Variants in MKRN2OS observed in about 807,000 individuals in gnomAD.
The protein encoded by MKRN2OS is MKRN2 opposite strand protein.
MKRN2OS carries 17 observed loss-of-function variants against 18.2 expected under a neutral mutation model. The ratio of observed to expected loss-of-function variants is 0.93; its 90% CI spans 0.64 to 1.40. MKRN2OS has a LOEUF of 1.40. Ranked by LOEUF, MKRN2OS falls within the 40% of genes most tolerant of loss-of-function variation. The pLI is 0.00. For synonymous variants in MKRN2OS, 121 were observed against 108.5 expected, an observed-to-expected ratio of 1.12 and a Z score of -0.72; for missense variants, 337 against 283.0, an observed-to-expected ratio of 1.19 and a Z score of -1.37.
chr3:12,540,055 G>C lies in MKRN2OS; in HGVS notation c.*138C>G. 1 of 1,283,192 alleles carries C rather than the reference G, an allele frequency of 7.8e-7. No homozygotes were observed. Among genetic ancestry groups the C allele is most frequent in the South Asian group, 1.4e-5 (1 of 69,774 alleles). The allele number at this position is 1,283,192 out of a possible 1,614,324, so 79.5% of individuals were successfully genotyped here. A position where few individuals can be genotyped will look rare whatever the true frequency, so the allele number is the denominator to read the frequency against. On this transcript the variant is annotated 3_prime_UTR_variant, in exon 4 of 4. Coordinates refer to ENST00000564146, the MANE Select transcript of MKRN2OS (RefSeq NM_001195279.2). ...CTGTCTTAGCTTCCCAAAGTGCTGG[G>C]ATTACAGGTGTGAGCCACCATGCCC...
rs1234996804 is a variant in MKRN2OS, at chr3:12,540,298, T to C, written c.567A>G (p.Ala189=). ...EKYVVPRTRL[A]SKFITLYRAI... ...CCCGGTAGAGTGTGATGAACTTGGA[T>C]GCCAGCCTTGTCCGCGGGACCACGT... Residue 189 remains alanine (A), a synonymous_variant, in exon 4 of 4, where the codon GCA becomes GCG. Coordinates refer to ENST00000564146, the MANE Select transcript of MKRN2OS (RefSeq NM_001195279.2). 4 of 1,536,112 alleles carry C rather than the reference T, an allele frequency of 2.6e-6. No individual in the cohort carries two copies. The highest frequency in any genetic ancestry group is 2.6e-6 in the Non-Finnish European group (3 of 1,146,906).
chr3:12,556,622 G>GA (rs1400421566), intron 1 of MKRN2OS, among the ~76,000 whole-genome samples: 5 of 152,160 alleles, frequency 3.3e-5, no homozygotes. Context: ...GAGCAGTTGG[G>GA]AGAGAGCTAA....
At position 12,540,373 on chromosome 3, in the gene MKRN2OS, C is replaced by T. The variant is rs775432252; in HGVS notation, c.492G>A (p.Leu164=). ...CCAGTTGCTGTCTACCTTCTGCCAT[C>T]AGAACGCAGTTAATGAACGTGAGTG... ...SYALTFINCV[L]MAEGRQQLDK... is the part of the protein sequence containing the mutation. The change falls in exon 4 of 4, where the codon CTG becomes CTA. Residue 164 remains leucine (L), a synonymous_variant. Coordinates refer to ENST00000564146, the MANE Select transcript of MKRN2OS (RefSeq NM_001195279.2). 7 of 1,536,122 alleles carry T rather than the reference C, an allele frequency of 4.6e-6. No homozygotes were observed. The highest frequency in any genetic ancestry group is 6.1e-6 in the Non-Finnish European group (7 of 1,146,916).
downstream of MKRN2OS, among the ~76,000 whole-genome samples, chr3:12,551,426 C>A (rs928205497): frequency 6.6e-6 from 1 of 150,786 alleles, no homozygotes; most frequent in East Asian, 1.9e-4. Context: ...ACCTGGGAGG[C>A]GAAGGCTGTG....
upstream of MKRN2OS, among the ~76,000 whole-genome samples, chr3:12,547,168 A>G (rs2057892404): frequency 6.6e-6 from 1 of 152,148 alleles, no homozygotes; most frequent in African/African-American, 2.4e-5. Flanking sequence ...AAAAAAAGTA[A>G]TGCCCCTTGT....
intron 1 of MKRN2OS, 64 bp from the exon 2 acceptor site, chr3:12,543,293 A>G (rs2057841288): frequency 7.3e-7 from 1 of 1,375,026 alleles, no homozygotes; most frequent in Non-Finnish European, 1.0e-6. Flanking sequence ...ATTGGCATTT[A>G]AAGTAGGAGG....
intron 1 of MKRN2OS, among the ~76,000 whole-genome samples, chr3:12,544,239 C>A (rs2057854917): frequency 6.6e-6 from 1 of 152,146 alleles, no homozygotes; most frequent in Non-Finnish European, 1.5e-5. Context: ...AGGGTAAACT[C>A]TAGGGAGCAT....
At chr3:12,556,381 TA>T (rs11359894) in intron 1 of MKRN2OS, among the ~76,000 whole-genome samples, 87,535 of 150,992 alleles carry the variant, frequency 0.58, 27,726 homozygotes, top group African/African-American at 0.83. Context: ...TAATAATAAT[TA>T]AAAAAAAAGG....
intron 1 of MKRN2OS, among the ~76,000 whole-genome samples, chr3:12,544,738 T>A (rs970854127): frequency 4.6e-5 from 7 of 152,146 alleles, no homozygotes; most frequent in Admixed American, 1.3e-4. Flanking sequence ...TTTTTGTTTA[T>A]GCTAGCGCTC....
intron 3 of MKRN2OS, 127 bp from the exon 4 acceptor site, chr3:12,540,560 T>C (rs2057783723): frequency 5.3e-6 from 6 of 1,130,692 alleles, no homozygotes; most frequent in Admixed American, 2.1e-5. Context: ...TGCTGGCTTA[T>C]GTGGTTAAGA....
downstream of MKRN2OS, among the ~76,000 whole-genome samples, chr3:12,553,037 AAT>A (rs1553607132): frequency 4.0e-5 from 6 of 149,328 alleles, no homozygotes; most frequent in Admixed American, 4.0e-4. Flanking sequence ...AAAAAAAAAA[AAT>A]CTTCCTGCAC....
At chr3:12,541,809 C>T (rs2057818008) in intron 3 of MKRN2OS, 51 bp downstream of exon 3, 1 of 1,512,700 alleles carries the variant, frequency 6.6e-7, no homozygotes, top group African/African-American at 1.4e-5. Context: ...GGGGATCCCA[C>T]TTGCATAGCA....
upstream of MKRN2OS, among the ~76,000 whole-genome samples, chr3:12,546,620 C>T (rs1419311311): frequency 8.7e-4 from 102 of 116,938 alleles, no homozygotes; most frequent in Non-Finnish European, 1.3e-3. Context: ...TCACTCTTGT[C>T]GCCAGGCTGG....
At chr3:12,543,892 CAAA>C (rs10539183) in intron 1 of MKRN2OS, among the ~76,000 whole-genome samples, 3,870 of 127,120 alleles carry the variant, frequency 0.03, 167 homozygotes, top group African/African-American at 0.095. Context: ...ACCCTGGTCT[CAAA>C]AAAAAAAAAA....
chr3:12,548,579 CT>C (rs1249203758), upstream of MKRN2OS, among the ~76,000 whole-genome samples: 1 of 151,120 alleles, frequency 6.6e-6, no homozygotes, highest in Non-Finnish European at 1.5e-5. Flanking sequence ...TTGCAGTGAG[CT>C]GTGACTGCAC....
At chr3:12,542,714 A>T (rs2057831351) in intron 2 of MKRN2OS, among the ~76,000 whole-genome samples, 1 of 86,768 alleles carries the variant, frequency 1.2e-5, no homozygotes, top group Admixed American at 1.3e-4. Context: ...CTTTCCTTAA[A>T]AAAAAAAAAA....
At chr3:12,554,610 T>TACA (rs1324435200) in intron 1 of MKRN2OS, among the ~76,000 whole-genome samples, 1 of 151,970 alleles carries the variant, frequency 6.6e-6, no homozygotes, top group Non-Finnish European at 1.5e-5. Flanking sequence ...GCACCAGCAG[T>TACA]ACAAGGCTGA....
At chr3:12,548,649 A>G (rs1380758059), upstream of MKRN2OS, among the ~76,000 whole-genome samples, 1 of 152,000 alleles carries the variant, frequency 6.6e-6, no homozygotes, top group Non-Finnish European at 1.5e-5. Flanking sequence ...TACATAAATA[A>G]ACCACATGGT....
upstream of MKRN2OS, among the ~76,000 whole-genome samples, chr3:12,546,511 A>C (rs2125292245): frequency 6.6e-6 from 1 of 151,330 alleles, no homozygotes; most frequent in South Asian, 2.1e-4. Flanking sequence ...ATTTTAAAAT[A>C]ATTTTTTAAT....
Sources: allele counts gnomAD v4.1 joint callset (sites outside exome capture counted in the v4.1 genomes callset), GRCh38; gene constraint gnomAD v4.1.1; transcripts MANE v1.5; gene names NCBI Gene and HGNC (gene_info 2026-07-23, HGNC 2026-07-21).